Variants in PAM observed in about 807,000 individuals in gnomAD.
PAM encodes the protein peptidylglycine alpha-amidating monooxygenase, also known as peptidyl-glycine alpha-amidating monooxygenase.
In PAM, 72 loss-of-function variants were observed where a neutral mutation model predicts 122.1. The observed-to-expected ratio is 0.59, with a 90% CI of 0.49 to 0.72. PAM has a LOEUF of 0.72. Ranked by LOEUF, PAM falls within the 30% of genes least tolerant of loss-of-function variation. The pLI, the probability that PAM is intolerant of heterozygous loss-of-function variation, is 0.00. For missense variants in PAM, 1,106 were observed against 1,183.7 expected, an observed-to-expected ratio of 0.93 and a Z score of 0.96; for synonymous variants, 389 against 404.4, an observed-to-expected ratio of 0.96 and a Z score of 0.46.
At chr5:102,815,352 G>A (rs1769436864) in intron 1 of PAM, among the ~76,000 whole-genome samples, 1 of 152,050 alleles carries the variant, frequency 6.6e-6, no homozygotes. Context: ...AATAGGAGGA[G>A]GTAAAGAAGC....
chr5:102,907,721 A>C (rs2151486931), intron 4 of PAM, among the ~76,000 whole-genome samples: 1 of 152,224 alleles, frequency 6.6e-6, no homozygotes, highest in East Asian at 1.9e-4. Flanking sequence ...TCTGATGGCC[A>C]GTGATGATGA....
intron 3 of PAM, among the ~76,000 whole-genome samples, chr5:102,890,493 G>A (rs1341383804): frequency 6.6e-6 from 1 of 151,804 alleles, no homozygotes; most frequent in African/African-American, 2.4e-5. Context: ...TAAGCTATTT[G>A]ATCACCTTTA....
At chr5:102,883,461 T>C (rs1043983564) in intron 3 of PAM, among the ~76,000 whole-genome samples, 4 of 151,628 alleles carry the variant, frequency 2.6e-5, no homozygotes, top group Admixed American at 2.6e-4. Flanking sequence ...AAGTATTTTA[T>C]TTTTTTACAG....
At chr5:102,931,807 ACTCTCT>A (rs60775669) in intron 7 of PAM, among the ~76,000 whole-genome samples, 9 of 141,436 alleles carry the variant, frequency 6.4e-5, no homozygotes, top group East Asian at 4.2e-4. Context: ...CAAACAACAC[ACTCTCT>A]CTCTCTCTCT....
chr5:102,981,572 C>G (rs927086911), intron 15 of PAM, among the ~76,000 whole-genome samples: 3 of 152,174 alleles, frequency 2.0e-5, no homozygotes, highest in Non-Finnish European at 4.4e-5. Context: ...TGAGGCCATA[C>G]AGTAAGTAGG....
At chr5:102,809,308 A>G (rs890440094) in intron 1 of PAM, among the ~76,000 whole-genome samples, 3 of 151,110 alleles carry the variant, frequency 2.0e-5, no homozygotes, top group Admixed American at 1.3e-4. Flanking sequence ...GCTTGAGCCC[A>G]GGAGACCAGC....
intron 12 of PAM, among the ~76,000 whole-genome samples, chr5:102,953,982 C>G (rs570133451): frequency 6.6e-6 from 1 of 152,202 alleles, no homozygotes; most frequent in Admixed American, 6.5e-5. Context: ...CATTGCGCTT[C>G]AGACTGGGCT....
Position 102,787,333 on chromosome 5 carries a change from C to T in PAM, c.-374+31985C>T, listed in dbSNP as rs189840023. ...ATGTTCTAAATGTAGCTACCATTAT[C>T]CCGTGCTGTCTAGAGTTCTTATGTT... On this transcript the variant is annotated intron_variant, in intron 1 of 25. Coordinates refer to ENST00000438793, the MANE Select transcript of PAM (RefSeq NM_001177306.2). Among the ~76,000 whole-genome samples the T allele has an allele frequency of 1.5e-3, 232 of 152,140 alleles. 1 individual carries two copies. Among genetic ancestry groups the T allele is most frequent in the Non-Finnish European group, 1.3e-4 (9 of 67,960 alleles).
intron 17 of PAM, among the ~76,000 whole-genome samples, chr5:103,003,702 A>G (rs907084875): frequency 2.0e-5 from 3 of 152,140 alleles, no homozygotes; most frequent in African/African-American, 7.2e-5. Flanking sequence ...TATGTAATAT[A>G]TATCTTACAT....
At position 102,866,105 on chromosome 5, in the gene PAM, C is replaced by G. The variant is rs1785470092; in HGVS notation, c.-91C>G. On this transcript the variant is annotated 5_prime_UTR_variant, in exon 2 of 26. Coordinates refer to ENST00000438793, the MANE Select transcript of PAM (RefSeq NM_001177306.2). ...CCGCCGTGCCCGGGCCATGAAGTAG[C>G]GGCTGCTGGCGGCGCCGCTGCCCAA... 2.6e-6 allele frequency: 2 copies of G among 765,816 alleles called. No homozygotes were observed. The highest frequency in any genetic ancestry group is 4.3e-6 in the Non-Finnish European group (2 of 470,038). The allele number at this position is 765,816 out of a possible 1,614,324, so 47.4% of individuals were successfully genotyped here. A position where few individuals can be genotyped will look rare whatever the true frequency, so the allele number is the denominator to read the frequency against.
intron 1 of PAM, among the ~76,000 whole-genome samples, chr5:102,813,163 T>C (rs1320526601): frequency 1.3e-5 from 2 of 152,166 alleles, no homozygotes; most frequent in African/African-American, 4.8e-5. Flanking sequence ...ACTCAGTTGC[T>C]TTACTAATCC....
intron 5 of PAM, among the ~76,000 whole-genome samples, chr5:102,921,993 C>T (rs1747598808): frequency 6.6e-6 from 1 of 152,052 alleles, no homozygotes; most frequent in Non-Finnish European, 1.5e-5. Context: ...AACAATAATT[C>T]AAATTTATTG....
intron 7 of PAM, among the ~76,000 whole-genome samples, chr5:102,946,296 G>C (rs962978328): frequency 1.3e-5 from 2 of 151,940 alleles, no homozygotes; most frequent in Non-Finnish European, 2.9e-5. Context: ...GGGCTCTTCA[G>C]GTCAAACTGT....
At chr5:102,984,459 C>G (rs544219467) in intron 15 of PAM, among the ~76,000 whole-genome samples, 43 of 152,212 alleles carry the variant, frequency 2.8e-4, no homozygotes, top group Admixed American at 1.6e-3. Flanking sequence ...GTAAAATAGA[C>G]TTTAAGAATG....
chr5:102,876,240 C>T (rs1002814869), intron 3 of PAM, among the ~76,000 whole-genome samples: 1 of 152,108 alleles, frequency 6.6e-6, no homozygotes, highest in African/African-American at 2.4e-5. Context: ...CCTTTTCTCA[C>T]AACAGCCATC....
intron 1 of PAM, among the ~76,000 whole-genome samples, chr5:102,836,027 G>T (rs965701984): frequency 6.6e-6 from 1 of 152,084 alleles, no homozygotes; most frequent in Non-Finnish European, 1.5e-5. Flanking sequence ...TTCTCGAATT[G>T]CCATTTGTCT....
intron 1 of PAM, among the ~76,000 whole-genome samples, chr5:102,819,058 A>G (rs1770851312): frequency 6.6e-6 from 1 of 152,198 alleles, no homozygotes; most frequent in Non-Finnish European, 1.5e-5. Context: ...CTGGGAGGAT[A>G]CAAAACAGAA....
chr5:103,000,955 C>CA (rs574226841), intron 16 of PAM, among the ~76,000 whole-genome samples: 99 of 150,808 alleles, frequency 6.6e-4, no homozygotes, highest in East Asian at 5.6e-3. Context: ...AATAGGAGAA[C>CA]AAAAAAAAAT....
chr5:102,862,215 C>T (rs370508781), intron 1 of PAM, among the ~76,000 whole-genome samples: 185 of 146,142 alleles, frequency 1.3e-3, no homozygotes, highest in Middle Eastern at 7.0e-3. Flanking sequence ...AAAATAGACA[C>T]ATATTGTCTT....
Sources: gnomAD v4.1 joint callset for allele counts (sites outside exome capture counted in the v4.1 genomes callset) on GRCh38, gnomAD v4.1.1 for gene constraint, MANE v1.5 for transcripts, NCBI Gene and HGNC (gene_info 2026-07-23, HGNC 2026-07-21) for gene names.